MEGF8: variants seen among roughly 807,000 people sequenced by gnomAD.
MEGF8 encodes the protein multiple epidermal growth factor-like domains protein 8.
Under a neutral mutation model 302.9 loss-of-function variants are expected in MEGF8, and 156 were observed. The ratio of observed to expected loss-of-function variants is 0.52; its 90% CI spans 0.45 to 0.59. The LOEUF is 0.59. MEGF8 is among the 20% of genes least tolerant of loss of function. The pLI is 0.00. For synonymous variants in MEGF8, 1,621 were observed against 1,660.5 expected (o/e 0.98, Z 0.58); for missense variants, 3,345 against 3,964.5 (o/e 0.84, Z 4.20).
In MEGF8 at chr19:42,368,818, T is replaced by G. The variant is rs2039644338; in HGVS notation, c.6482-25T>G. ...GGGGCAGGTGGTACAGAGGTCCAGG[T>G]AAAATGCTATATCCCCGGTGCTAGG... On this transcript the variant is annotated intron_variant, in intron 36 of 41. Transcript: ENST00000251268. This position sits in a 1 kb window ranked among gnomAD's most constrained non-coding sequence, Gnocchi z 4.9. 1 of 1,608,390 alleles carries G rather than the reference T, an allele frequency of 6.2e-7. No individual in the cohort carries two copies. Among genetic ancestry groups the G allele is most frequent in the Non-Finnish European group, 8.5e-7 (1 of 1,177,028 alleles).
Position 42,377,124 on chromosome 19 carries a change from T to TGGCTTCAGAGAGGGAGAAGCACTGTGAG in MEGF8, c.*351_*378dup, listed in dbSNP as rs1368283886. On this transcript the variant is annotated 3_prime_UTR_variant, in exon 42 of 42. Coordinates refer to ENST00000251268, the MANE Select transcript of MEGF8 (RefSeq NM_001271938.2). ...TGCACATGTGCACACACAAGTAAGA[T>TGGCTTCAGAGAGGGAGAAGCACTGTGAG]GGCTTCAGAGAGGGAGAAGCACTGT... 7 of 244,542 alleles carry TGGCTTCAGAGAGGGAGAAGCACTGTGAG rather than the reference T, an allele frequency of 2.9e-5. No individual in the cohort carries two copies. The highest frequency in any genetic ancestry group is 5.5e-5 in the Non-Finnish European group (7 of 127,928). The allele number at this position is 244,542 out of a possible 1,614,324, so 15.1% of individuals were successfully genotyped here.
chr19:42,374,441 A>G (rs1021457656), intron 41 of MEGF8, among the ~76,000 whole-genome samples: 6 of 149,154 alleles, frequency 4.0e-5, no homozygotes, highest in Admixed American at 1.4e-4. Context: ...ACTGCACTCC[A>G]GCCTGGGCAA....
rs1197110641 is a variant in MEGF8 at position 42,361,665 on chromosome 19, C to G, written c.5721-425C>G. Among the ~76,000 whole-genome samples, 6 of 152,066 alleles carry G rather than the reference C, an allele frequency of 3.9e-5. No homozygotes were observed. The East Asian group carries it at 1.2e-3, about 29-fold the overall frequency. On this transcript the variant is annotated intron_variant, in intron 32 of 41. Coordinates refer to ENST00000251268, the MANE Select transcript of MEGF8 (RefSeq NM_001271938.2). ...GGATTTGGGGTAAGGGATTGTGGACCCCCCCTGTGCAGGACAGGGAGCCAT... is the reference window on the plus strand; with the variant it reads ...GGATTTGGGGTAAGGGATTGTGGACGCCCCCTGTGCAGGACAGGGAGCCAT...
rs2039769553 is a variant in MEGF8, at chr19:42,376,297, A to G, written c.8060A>G (p.Gln2687Arg). The G allele has an allele frequency of 2.5e-6, 4 of 1,613,324 alleles. No individual in the cohort carries two copies. The highest frequency in any genetic ancestry group is 2.2e-5 in the East Asian group (1 of 44,866). ...CGGCAGGAGCAGCGCCGGCACTTGC[A>G]GGAGATGACCAAGATGGCCAGCCGC... ...DQRQEQRRHL[Q>R]EMTKMASRPF... The change falls in exon 42 of 42, where the codon CAG becomes CGG. Residue 2687 changes from glutamine to arginine, a missense_variant. By Grantham distance (43) the Gln-to-Arg change is conservative (BLOSUM62 1). Coordinates refer to ENST00000251268, the MANE Select transcript of MEGF8 (RefSeq NM_001271938.2). This position sits in a 1 kb window ranked among gnomAD's most constrained non-coding sequence, Gnocchi z 8.2.
Position 42,344,437 on chromosome 19 carries a change from G to A in MEGF8, c.1789-4G>A, listed in dbSNP as rs1246470840. The A allele has an allele frequency of 3.8e-6, 6 of 1,582,366 alleles. No homozygotes were observed. The highest frequency in any genetic ancestry group is 1.7e-5 in the Admixed American group (1 of 57,820). ...GTGAGCCCTTTCCCCTCTCCTCCTC[G>A]CAGTGTCCAGCCGCCAGCTGCCTGG... is the stretch of plus-strand genomic sequence containing the variant. On this transcript the variant is annotated splice_region_variant and splice_polypyrimidine_tract_variant and intron_variant, in intron 10 of 41. Transcript: ENST00000251268. The surrounding 1 kb of genome is among the most constrained non-coding windows in gnomAD (Gnocchi z 4.5).
intron 31 of MEGF8, among the ~76,000 whole-genome samples, chr19:42,359,510 C>T (rs1193038718): frequency 6.6e-6 from 1 of 151,980 alleles, no homozygotes; most frequent in Non-Finnish European, 1.5e-5. Flanking sequence ...CATAATCCCT[C>T]TCTCTAGAGA....
In MEGF8 at chr19:42,344,193, A is replaced by G; in HGVS notation, c.1788+120A>G. 1 of 1,391,524 alleles carries G rather than the reference A, an allele frequency of 7.2e-7. No individual in the cohort carries two copies. The highest frequency in any genetic ancestry group is 9.6e-7 in the Non-Finnish European group (1 of 1,044,026). 86.2% of individuals were successfully genotyped at this position (1,391,524 alleles called of 1,614,324 possible). ...ACTGGGAGACTTGTTTTCATGCCGG[A>G]GATCCTCCTTCCTGATTCCTGACTG... On this transcript the variant is annotated intron_variant, in intron 10 of 41. Coordinates refer to ENST00000251268, the MANE Select transcript of MEGF8 (RefSeq NM_001271938.2). The surrounding 1 kb of genome is among the most constrained non-coding windows in gnomAD (Gnocchi z 4.5).
At chr19:42,364,386 C>T (rs529089440) in intron 35 of MEGF8, among the ~76,000 whole-genome samples, 1 of 152,312 alleles carries the variant, frequency 6.6e-6, no homozygotes, top group African/African-American at 2.4e-5. Flanking sequence ...ACTCCTCATT[C>T]ATACCTCGAT....
rs1434872043 is a variant in MEGF8 at position 42,351,314 on chromosome 19, G to A, written c.2835G>A (p.Glu945=). The change falls in exon 16 of 42, where the codon GAG becomes GAA. Residue 945 remains glutamate, a synonymous_variant. Coordinates refer to ENST00000251268, the MANE Select transcript of MEGF8 (RefSeq NM_001271938.2). The surrounding 1 kb of genome is among the most constrained non-coding windows in gnomAD (Gnocchi z 5.6). ...RGRGALKSPE[E]CPPLCSQRLT... is the part of the protein sequence containing the mutation. The stretch of plus-strand genomic sequence containing the variant: ...GGGGTGCCCTGAAGAGTCCAGAGGA[G>A]TGTCCCCCGCTCTGCAGCCAGTGAG... 6 of 1,568,452 alleles carry A rather than the reference G, an allele frequency of 3.8e-6. No individual in the cohort carries two copies. The highest frequency in any genetic ancestry group is 1.9e-5 in the Admixed American group (1 of 52,562).
At position 42,353,573 on chromosome 19, in the gene MEGF8, G is replaced by A. The variant is rs1190335874; in HGVS notation, c.3659G>A (p.Arg1220His). The part of the protein sequence containing the change: ...PCQCNGHGDP[R>H]RGHCDNLSGL... ...CAGTGCAACGGGCACGGGGACCCAC[G>A]CCGTGGCCACTGCGACAACCTCAGT... The change falls in exon 21 of 42, where the codon CGC becomes CAC. Residue 1220 changes from arginine to histidine, a missense_variant. Transcript: ENST00000251268. The surrounding 1 kb of genome is among the most constrained non-coding windows in gnomAD (Gnocchi z 6.1). 1.2e-6 allele frequency: 2 copies of A among 1,600,362 alleles called. No individual in the cohort carries two copies. The highest frequency in any genetic ancestry group is 1.7e-6 in the Non-Finnish European group (2 of 1,173,988).
rs1462150856 is a variant in MEGF8, at chr19:42,378,247, C to A, written c.*1472C>A. 1 of 152,224 alleles carries A rather than the reference C, an allele frequency of 6.6e-6. No individual in the cohort carries two copies. The highest frequency in any genetic ancestry group is 2.4e-5 in the African/African-American group (1 of 41,420). The allele number at this position is 152,224 out of a possible 1,614,324, so 9.4% of individuals were successfully genotyped here. On this transcript the variant is annotated 3_prime_UTR_variant, in exon 42 of 42. Transcript: ENST00000251268. ...TGAGACAGCCCAGAGGTGAATAGGA[C>A]CCCCAGGCTGCAGGGATAAAGCTCA...
chr19:42,367,035 C>T (rs1016904702), intron 35 of MEGF8, among the ~76,000 whole-genome samples: 3 of 152,168 alleles, frequency 2.0e-5, no homozygotes, highest in South Asian at 2.1e-4. Flanking sequence ...TTCAGGCAGC[C>T]GGCCCAAATT....
At chr19:42,374,662 G>GT (rs1280260737) in intron 41 of MEGF8, among the ~76,000 whole-genome samples, 1 of 152,146 alleles carries the variant, frequency 6.6e-6, no homozygotes, top group Non-Finnish European at 1.5e-5. Flanking sequence ...GGCAAGCACC[G>GT]TGCAGGTTGC....
Position 42,352,310 on chromosome 19 carries a change from A to G in MEGF8, c.3204A>G (p.Ala1068=), listed in dbSNP as rs1436078935. The change falls in exon 19 of 42, where the codon GCA becomes GCG. Residue 1068 remains alanine, a synonymous_variant. Transcript: ENST00000251268. The surrounding 1 kb of genome is among the most constrained non-coding windows in gnomAD (Gnocchi z 4.4). The stretch of plus-strand genomic sequence containing the variant: ...CCGTGGCCCTCCCTGCCCGCTGGGC[A>G]TACGCCCGCTGTCCTGACGTGGATG... ...GLPVALPARW[A]YARCPDVDEC... The G allele has an allele frequency of 4.4e-6, 7 of 1,577,302 alleles. No homozygotes were observed. Among genetic ancestry groups the G allele is most frequent in the African/African-American group, 1.3e-5 (1 of 74,144 alleles).
In MEGF8 at chr19:42,354,855, G is replaced by A; in HGVS notation, c.4144+135G>A. On this transcript the variant is annotated intron_variant, in intron 23 of 41. Coordinates refer to ENST00000251268, the MANE Select transcript of MEGF8 (RefSeq NM_001271938.2). The surrounding 1 kb of genome is among the most constrained non-coding windows in gnomAD (Gnocchi z 4.3). ...GGTGATGTAGTCCCTCACCATCTCTGGACCTCAGTGTCCTTAGTTGAGAGG... is the reference window on the plus strand; with the variant it reads ...GGTGATGTAGTCCCTCACCATCTCTAGACCTCAGTGTCCTTAGTTGAGAGG... 2 of 956,116 alleles carry A rather than the reference G, an allele frequency of 2.1e-6. No individual in the cohort carries two copies. Among genetic ancestry groups the A allele is most frequent in the Non-Finnish European group, 3.0e-6 (2 of 668,560 alleles). The allele number at this position is 956,116 out of a possible 1,614,324, so 59.2% of individuals were successfully genotyped here.
chr19:42,360,692 C>A lies in MEGF8; in HGVS notation c.5489-83C>A, dbSNP rs2039518792. On this transcript the variant is annotated intron_variant, in intron 31 of 41. Coordinates refer to ENST00000251268, the MANE Select transcript of MEGF8 (RefSeq NM_001271938.2). ...CTGTGTTTCTCCTCTTTCCCTGCATCCTTCTCTGACTGGCATCATGGTGTG... is the reference window on the plus strand; with the variant it reads ...CTGTGTTTCTCCTCTTTCCCTGCATACTTCTCTGACTGGCATCATGGTGTG... The A allele has an allele frequency of 3.3e-6, 5 of 1,533,100 alleles. No individual in the cohort carries two copies. The Admixed American group carries it at 1.0e-4, about 31-fold the overall frequency. The allele number at this position is 1,533,100 out of a possible 1,614,324, so 95.0% of individuals were successfully genotyped here.
In MEGF8 at chr19:42,360,993, G is replaced by C. The variant is rs767483374; in HGVS notation, c.5707G>C (p.Asp1903His). 4.2e-5 allele frequency: 66 copies of C among 1,555,154 alleles called. No individual in the cohort carries two copies. The highest frequency in any genetic ancestry group is 5.7e-5 in the Non-Finnish European group (66 of 1,149,318). The change falls in exon 32 of 42, where the codon GAT (aspartate) becomes CAT (histidine). Residue 1903 changes from aspartate (D) to histidine (H), a missense_variant. Transcript: ENST00000251268. ...GTGCCATGGGGCCTGCTTGTCCGGG[G>C]ATCAGGCCCACAGGTAACCATGGCG... Reference protein sequence around the residue: ...TWCHGACLSGDQAHRLGCGGS... With the variant: ...TWCHGACLSGHQAHRLGCGGS...
At position 42,369,087 on chromosome 19, in the gene MEGF8, G is replaced by A; in HGVS notation, c.6641+85G>A. 2.6e-6 allele frequency: 4 copies of A among 1,520,826 alleles called. No individual in the cohort carries two copies. The highest frequency in any genetic ancestry group is 2.0e-5 in the Admixed American group (1 of 50,960). 94.2% of individuals were successfully genotyped at this position (1,520,826 alleles called of 1,614,324 possible). On this transcript the variant is annotated intron_variant, in intron 37 of 41. Coordinates refer to ENST00000251268, the MANE Select transcript of MEGF8 (RefSeq NM_001271938.2). The surrounding 1 kb of genome is among the most constrained non-coding windows in gnomAD (Gnocchi z 5.7). ...AGTAATGGATGAGGCCTAGAGCCAAGCAGGACAGAAGAAAAGAAAGCTCGA... is the reference window on the plus strand; with the variant it reads ...AGTAATGGATGAGGCCTAGAGCCAAACAGGACAGAAGAAAAGAAAGCTCGA...
At chr19:42,330,730 A>T (rs1274453740) in intron 1 of MEGF8, among the ~76,000 whole-genome samples, 1 of 152,188 alleles carries the variant, frequency 6.6e-6, no homozygotes, top group Non-Finnish European at 1.5e-5. Context: ...AGGGAGACAG[A>T]CCTGGACATA....
Sources: allele counts gnomAD v4.1 joint callset (sites outside exome capture counted in the v4.1 genomes callset), GRCh38; gene constraint gnomAD v4.1.1; non-coding constraint Gnocchi (gnomAD v3.1); transcripts MANE v1.5; gene names NCBI Gene and HGNC (gene_info 2026-07-23, HGNC 2026-07-21).